The following MYO1F variants were observed in gnomAD, a reference collection of about 807,000 sequenced individuals.
The protein encoded by MYO1F is unconventional myosin-If.
Under a neutral mutation model 146.6 loss-of-function variants are expected in MYO1F, and 60 were observed. That is an observed-to-expected ratio of 0.41 (90% CI 0.33 to 0.51). The LOEUF (loss-of-function observed/expected upper bound fraction) is 0.51. Ranked by LOEUF, MYO1F falls within the 20% of genes least tolerant of loss-of-function variation. MYO1F has a pLI of 0.25. For missense variants in MYO1F, 1,274 were observed against 1,534.3 expected (o/e 0.83, Z 2.83); for synonymous variants, 602 against 602.1 (o/e 1.00, Z 0.00).
intron 13 of MYO1F, 33 bp from the exon 14 acceptor site, chr19:8,544,497 G>C: frequency 6.6e-7 from 1 of 1,525,118 alleles, no homozygotes; most frequent in Non-Finnish European, 8.8e-7. Context: ...CAGCGGCTCA[G>C]TTTGGTCTGC....
At chr19:8,522,146 C>T (rs1446746848) in intron 27 of MYO1F, among the ~76,000 whole-genome samples, 2 of 152,106 alleles carry the variant, frequency 1.3e-5, no homozygotes, top group Non-Finnish European at 1.5e-5. Flanking sequence ...CCTCAGCCTC[C>T]CGAGTAGCTG....
Position 8,553,332 on chromosome 19 carries a change from C to T in MYO1F, c.414+18G>A. The T allele has an allele frequency of 6.2e-7, 1 of 1,613,730 alleles. No individual in the cohort carries two copies. The highest frequency in any genetic ancestry group is 8.5e-7 in the Non-Finnish European group (1 of 1,179,686). On this transcript the variant is annotated intron_variant, in intron 5 of 27. Coordinates refer to ENST00000644032, the MANE Select transcript of MYO1F (RefSeq NM_012335.4). ...GGTGAGGGCGACCCAGCTTATCCTTCTGTTTTCCTCGTCTCACCTGGACCT... is the reference window on the plus strand; with the variant it reads ...GGTGAGGGCGACCCAGCTTATCCTTTTGTTTTCCTCGTCTCACCTGGACCT...
At position 8,555,577 on chromosome 19, in the gene MYO1F, G is replaced by A. The variant is rs534457899; in HGVS notation, c.141+82C>T. 5.8e-4 allele frequency: 926 copies of A among 1,587,706 alleles called. 9 individuals carry two copies. In the South Asian group the frequency reaches 9.8e-3, roughly 17 times the overall value. On this transcript the variant is annotated intron_variant, in intron 2 of 27. Transcript: ENST00000644032. ...GCTCTCCCGGCCCATTCCTCCCTCTGCTCCTTCACCCTCCTCTCCGTCCAT... is the reference window on the plus strand; with the variant it reads ...GCTCTCCCGGCCCATTCCTCCCTCTACTCCTTCACCCTCCTCTCCGTCCAT...
At position 8,521,429 on chromosome 19, in the gene MYO1F, G is replaced by C; in HGVS notation, c.*99C>G. The stretch of plus-strand genomic sequence containing the variant: ...AGGACTGGACTTTTAGGCTATTGCA[G>C]CCCAGGTAAACGAGGCTCTCATTGG... On this transcript the variant is annotated 3_prime_UTR_variant, in exon 28 of 28. Coordinates refer to ENST00000644032, the MANE Select transcript of MYO1F (RefSeq NM_012335.4). 7.7e-7 allele frequency: 1 copy of C among 1,303,054 alleles called. No homozygotes were observed. Among genetic ancestry groups the C allele is most frequent in the Non-Finnish European group, 1.1e-6 (1 of 910,830 alleles). The allele number at this position is 1,303,054 out of a possible 1,614,324, so 80.7% of individuals were successfully genotyped here.
intron 21 of MYO1F, among the ~76,000 whole-genome samples, chr19:8,528,855 CTA>C (rs557774287): frequency 1.7e-3 from 262 of 152,118 alleles, no homozygotes; most frequent in South Asian, 3.9e-3. Context: ...TATCTGAACT[CTA>C]TGAGTTTGTA....
chr19:8,568,379 T>G (rs1405323783), intron 1 of MYO1F, among the ~76,000 whole-genome samples: 3 of 124,236 alleles, frequency 2.4e-5, no homozygotes, highest in African/African-American at 9.5e-5. Context: ...GCTGAGATGG[T>G]GCCACTGCAG....
chr19:8,541,123 A>G (rs891401437), intron 15 of MYO1F, among the ~76,000 whole-genome samples: 2 of 152,092 alleles, frequency 1.3e-5, no homozygotes, highest in Admixed American at 6.6e-5. Context: ...AGCTGGGACT[A>G]TAGGCATGTG....
chr19:8,533,388 T>C (rs1395823506), intron 19 of MYO1F, among the ~76,000 whole-genome samples: 2 of 148,262 alleles, frequency 1.3e-5, no homozygotes, highest in African/African-American at 2.5e-5. Flanking sequence ...GGAGTCTTGC[T>C]CTGTCGCTCA....
chr19:8,546,681 T>TC (rs1489252908), intron 12 of MYO1F, among the ~76,000 whole-genome samples: 4 of 151,898 alleles, frequency 2.6e-5, no homozygotes, highest in Non-Finnish European at 5.9e-5. Flanking sequence ...TCTCTTTTTT[T>TC]CTTTTCTTTT....
In MYO1F at chr19:8,526,742, CGCGCCGAGA is replaced by C. The variant is rs1303843887; in HGVS notation, c.2621+38_2621+46del. The C allele has an allele frequency of 9.6e-6, 15 of 1,557,680 alleles. No homozygotes were observed. In the Admixed American group the frequency reaches 2.3e-4, roughly 24 times the overall value. On this transcript the variant is annotated intron_variant, in intron 23 of 27. Transcript: ENST00000644032. The stretch of plus-strand genomic sequence containing the variant: ...GTCGGTGGGGCGGGAGAGGGTGCGC[CGCGCCGAGA>C]CCACCCCGAGATGGTGCTGGGGTTG...
intron 15 of MYO1F, 48 bp downstream of exon 15, chr19:8,541,858 C>T (rs756224380): frequency 6.5e-7 from 1 of 1,548,270 alleles, no homozygotes; most frequent in Non-Finnish European, 8.9e-7. Flanking sequence ...CTCCCTCCAT[C>T]CCCTTGGGGG....
chr19:8,531,728 C>G (rs965088418), intron 19 of MYO1F, among the ~76,000 whole-genome samples: 1 of 152,230 alleles, frequency 6.6e-6, no homozygotes, highest in Non-Finnish European at 1.5e-5. Flanking sequence ...GTTTCTTACA[C>G]TGTTACTCGA....
chr19:8,575,933 C>T lies in MYO1F; in HGVS notation c.3+1374G>A, dbSNP rs2042231876. Among the ~76,000 whole-genome samples, 4 of 152,184 alleles carry T rather than the reference C, an allele frequency of 2.6e-5. No individual in the cohort carries two copies. The South Asian group carries it at 8.3e-4, about 31-fold the overall frequency. ...CTTGCTTCTCATCTTGGAAGAATTC[C>T]CACCCCAACAGTCTCAGAGCTCCAG... On this transcript the variant is annotated intron_variant, in intron 1 of 27. Transcript: ENST00000644032.
intron 1 of MYO1F, among the ~76,000 whole-genome samples, chr19:8,571,765 T>G (rs1293127624): frequency 1.3e-5 from 2 of 151,926 alleles, no homozygotes; most frequent in Non-Finnish European, 2.9e-5. Context: ...GCCTGGGTAA[T>G]TTTTTGTATT....
chr19:8,522,732 AG>A lies in MYO1F; in HGVS notation c.2951del (p.Pro984LeufsTer77). On this transcript the variant is annotated frameshift_variant, in exon 26 of 28. Coordinates refer to ENST00000644032, the MANE Select transcript of MYO1F (RefSeq NM_012335.4). LOFTEE classifies it high-confidence loss of function. ...TGCTGGCTCCCAGGGATGTGGACGG[AG>A]GGCCCCGGGGAGGCCTGTGGGTGCC... ...GGGTHRPPRG[P>X]PSTSLGASRR... 1 of 1,613,110 alleles carries A rather than the reference AG, an allele frequency of 6.2e-7. No homozygotes were observed. The highest frequency in any genetic ancestry group is 1.1e-5 in the South Asian group (1 of 91,014).
chr19:8,549,575 C>A (rs191988990), intron 10 of MYO1F: 1 of 154,616 alleles, frequency 6.5e-6, no homozygotes, highest in South Asian at 2.0e-4. Flanking sequence ...TACAATAGCA[C>A]GATCTCAGCT....
At chr19:8,543,499 C>T (rs1044788480) in intron 14 of MYO1F, among the ~76,000 whole-genome samples, 15 of 152,036 alleles carry the variant, frequency 9.9e-5, no homozygotes, top group Admixed American at 9.8e-4. Context: ...TGGGGCTTAT[C>T]TGAACATAGG....
Position 8,551,067 on chromosome 19 carries a change from T to G in MYO1F, c.772-373A>C, listed in dbSNP as rs916696605. Among the ~76,000 whole-genome samples, 8 of 151,022 alleles carry G rather than the reference T, an allele frequency of 5.3e-5. 1 individual carries two copies. Among genetic ancestry groups the G allele is most frequent in the African/African-American group, 1.7e-4 (7 of 41,028 alleles). ...GACTGGGCTTTGGTTTCCTATTTTT[T>G]TTTTTTTAGAGTCTCACTCTTTCAC... On this transcript the variant is annotated intron_variant, in intron 8 of 27. Coordinates refer to ENST00000644032, the MANE Select transcript of MYO1F (RefSeq NM_012335.4).
In MYO1F at chr19:8,522,172, G is replaced by A. The variant is rs538111120; in HGVS notation, c.3220+205C>T. On this transcript the variant is annotated intron_variant, in intron 27 of 27. Coordinates refer to ENST00000644032, the MANE Select transcript of MYO1F (RefSeq NM_012335.4). The stretch of plus-strand genomic sequence containing the variant: ...CGAGTAGCTGGGACTACAGGCGCCC[G>A]CCACCACGCCCGGCTAATTTTTTGT... 3.3e-3 allele frequency among the ~76,000 whole-genome samples: 507 copies of A among 152,158 alleles called. 3 individuals are homozygous for A. The highest frequency in any genetic ancestry group is 0.011 in the African/African-American group (466 of 41,520).
Sources: gnomAD v4.1 joint callset for allele counts (sites outside exome capture counted in the v4.1 genomes callset) on GRCh38, gnomAD v4.1.1 for gene constraint, MANE v1.5 for transcripts, NCBI Gene and HGNC (gene_info 2026-07-23, HGNC 2026-07-21) for gene names.